Variants in CHRNB3 observed in about 807,000 individuals in gnomAD.
CHRNB3 encodes the protein neuronal acetylcholine receptor subunit beta-3.
Under a neutral mutation model 40.6 loss-of-function variants are expected in CHRNB3, and 37 were observed. The observed-to-expected ratio is 0.91, with a 90% confidence interval of 0.70 to 1.20. CHRNB3 has a LOEUF of 1.20. Ranked by LOEUF, CHRNB3 falls within the 50% of genes most tolerant of loss-of-function variation. The pLI, the probability that CHRNB3 is intolerant of heterozygous loss-of-function variation, is 0.00. For missense variants in CHRNB3, 505 were observed against 551.2 expected (o/e 0.92, Z 0.84); for synonymous variants, 207 against 207.1 (o/e 1.00, Z 0.00).
In CHRNB3 at chr8:42,708,843, T is replaced by G. The variant is rs56357313; in HGVS notation, c.179T>G (p.Leu60Trp). 4.3e-6 allele frequency: 7 copies of G among 1,613,512 alleles called. No individual in the cohort carries two copies. Among genetic ancestry groups the G allele is most frequent in the Non-Finnish European group, 5.9e-6 (7 of 1,179,730 alleles). ...SNDTIKVYFGLKISQLVDVDE... is the reference protein window; with the variant it reads ...SNDTIKVYFGWKISQLVDVDE... ...GACACCATAAAAGTATATTTTGGAT[T>G]GAAAATATCCCAGCTTGTAGATGTG... Residue 60 changes from leucine to tryptophan, a missense_variant, in exon 2 of 6, where the codon TTG becomes TGG. Leu to Trp is a moderately conservative substitution (Grantham distance 61). Transcript: ENST00000289957.
Position 42,703,435 on chromosome 8 carries a change from A to AAAATATATATATATATATATAT in CHRNB3, c.53-5281_53-5280insAATATATATATATATATATATA. On this transcript the variant is annotated intron_variant, in intron 1 of 5. Coordinates refer to ENST00000289957, the MANE Select transcript of CHRNB3 (RefSeq NM_000749.5). ...CAAGACTTCGTCTAAAAAAAAAAAA[A>AAAATATATATATATATATATAT]ATATTTATATATATATATATATATA... 1.7e-4 allele frequency among the ~76,000 whole-genome samples: 8 copies of AAAATATATATATATATATATAT among 47,412 alleles called. 1 individual carries two copies. Among genetic ancestry groups the AAAATATATATATATATATATAT allele is most frequent in the Admixed American group, 2.3e-4 (1 of 4,304 alleles). 31.1% of individuals were successfully genotyped at this position (47,412 alleles called of 152,430 possible). A position where few individuals can be genotyped will look rare whatever the true frequency, so the allele number is the denominator to read the frequency against.
chr8:42,722,543 C>T (rs62518210), intron 3 of CHRNB3, among the ~76,000 whole-genome samples: 8,707 of 151,958 alleles, frequency 0.057, 331 homozygotes, highest in Middle Eastern at 0.11. Context: ...TTGTATAATT[C>T]CCCCGACTTT....
rs558598723 is a variant in CHRNB3, at chr8:42,724,707, G to A, written c.250-5887G>A. On this transcript the variant is annotated intron_variant, in intron 3 of 5. Transcript: ENST00000289957. ...GAAAACGCTGGAATTGGCCGGGCGCGGTGGCTCACGCCTGTAATCCCAGTA... is the reference window on the plus strand; with the variant it reads ...GAAAACGCTGGAATTGGCCGGGCGCAGTGGCTCACGCCTGTAATCCCAGTA... 1.4e-4 allele frequency among the ~76,000 whole-genome samples: 22 copies of A among 151,992 alleles called. No individual in the cohort carries two copies. In the South Asian group the frequency reaches 3.9e-3, roughly 27 times the overall value.
In CHRNB3 at chr8:42,706,241, G is replaced by T. The variant is rs551508913; in HGVS notation, c.53-2476G>T. ...GGCTTGTTCTGGGAATCGCAGACTGGCCCGAGGGCTGGGGAGGAGAATGTG... is the reference window on the plus strand; with the variant it reads ...GGCTTGTTCTGGGAATCGCAGACTGTCCCGAGGGCTGGGGAGGAGAATGTG... On this transcript the variant is annotated intron_variant, in intron 1 of 5. Coordinates refer to ENST00000289957, the MANE Select transcript of CHRNB3 (RefSeq NM_000749.5). 2.0e-5 allele frequency among the ~76,000 whole-genome samples: 3 copies of T among 152,272 alleles called. No individual in the cohort carries two copies. The East Asian group carries it at 5.8e-4, about 29-fold the overall frequency.
intron 1 of CHRNB3, among the ~76,000 whole-genome samples, chr8:42,700,728 G>C (rs1815777085): frequency 6.6e-6 from 1 of 152,138 alleles, no homozygotes; most frequent in Non-Finnish European, 1.5e-5. Context: ...ATTATGGACA[G>C]ATGTTGATGG....
intron 3 of CHRNB3, among the ~76,000 whole-genome samples, chr8:42,711,146 A>G (rs1816008548): frequency 6.6e-6 from 1 of 152,048 alleles, no homozygotes; most frequent in East Asian, 1.9e-4. Context: ...GTTATCTACA[A>G]AGAGAAAATA....
chr8:42,697,812 GT>G (rs201769728), intron 1 of CHRNB3, among the ~76,000 whole-genome samples: 1,806 of 152,122 alleles, frequency 0.012, 37 homozygotes, highest in African/African-American at 0.042. Context: ...TAATGTTTAT[GT>G]TTTTGTCATT....
chr8:42,722,874 T>C (rs765723111), intron 3 of CHRNB3, among the ~76,000 whole-genome samples: 1 of 152,108 alleles, frequency 6.6e-6, no homozygotes, highest in Non-Finnish European at 1.5e-5. Context: ...CAGCTCCCTC[T>C]TGGGGGAGGG....
chr8:42,701,343 C>T (rs1815794472), intron 1 of CHRNB3, among the ~76,000 whole-genome samples: 1 of 151,772 alleles, frequency 6.6e-6, no homozygotes, highest in African/African-American at 2.4e-5. Context: ...GAGCTCAAGA[C>T]CAGCCTGGAC....
At chr8:42,707,421 C>G (rs1356440755) in intron 1 of CHRNB3, among the ~76,000 whole-genome samples, 1 of 152,130 alleles carries the variant, frequency 6.6e-6, no homozygotes, top group African/African-American at 2.4e-5. Context: ...GAATGAGTTG[C>G]TGTAGGATAT....
At chr8:42,710,584 G>A (rs1363553224) in intron 3 of CHRNB3, 150 bp downstream of exon 3, 1 of 661,628 alleles carries the variant, frequency 1.5e-6, no homozygotes, top group African/African-American at 1.8e-5. Context: ...ATTTTCTGTT[G>A]TGAGTGTTGG....
At chr8:42,720,540 G>C (rs114751176) in intron 3 of CHRNB3, among the ~76,000 whole-genome samples, 1,660 of 152,254 alleles carry the variant, frequency 0.011, 38 homozygotes, top group African/African-American at 0.038. Flanking sequence ...GTCAGGAGGT[G>C]TGGGTATTTG....
rs146498172 is a variant in CHRNB3 at position 42,733,358 on chromosome 8, A to C, written c.1242+809A>C. Among the ~76,000 whole-genome samples, 59 of 152,154 alleles carry C rather than the reference A, an allele frequency of 3.9e-4. No homozygotes were observed. The East Asian group carries it at 9.7e-3, about 25-fold the overall frequency. ...AAAGAAGTAGCGTGGGAAGAGTGTG[A>C]ATTTCAGACTGAAAACAGTCCTGGG... On this transcript the variant is annotated intron_variant, in intron 5 of 5. Coordinates refer to ENST00000289957, the MANE Select transcript of CHRNB3 (RefSeq NM_000749.5).
chr8:42,732,543 C>A lies in CHRNB3; in HGVS notation c.1236C>A (p.Ile412=). The part of the protein sequence containing the change: ...ISRHVKKEHF[I]SQVVQDWKFV... ...GACATGTGAAGAAAGAACATTTTATCAGCCAGGTGAGTAAACTGGTATTCC... is the reference window on the plus strand; with the variant it reads ...GACATGTGAAGAAAGAACATTTTATAAGCCAGGTGAGTAAACTGGTATTCC... Residue 412 remains isoleucine (I), a synonymous_variant, in exon 5 of 6, where the codon ATC becomes ATA. Transcript: ENST00000289957. 1 of 1,587,574 alleles carries A rather than the reference C, an allele frequency of 6.3e-7. No individual in the cohort carries two copies. The highest frequency in any genetic ancestry group is 1.2e-5 in the South Asian group (1 of 85,222).
rs1266138074 is a variant in CHRNB3, at chr8:42,730,613, T to TA, written c.270dup (p.Arg91ThrfsTer5). 1 of 1,604,668 alleles carries TA rather than the reference T, an allele frequency of 6.2e-7. No homozygotes were observed. Among genetic ancestry groups the TA allele is most frequent in the Admixed American group, 1.7e-5 (1 of 59,194 alleles). On this transcript the variant is annotated frameshift_variant, in exon 4 of 6. Coordinates refer to ENST00000289957, the MANE Select transcript of CHRNB3 (RefSeq NM_000749.5). LOFTEE classifies it high-confidence loss of function. ...ATGCAGGAATGGACAGACCACAAGT[T>TA]ACGCTGGAATCCTGATGATTATGGT...
intron 2 of CHRNB3, 29 bp downstream of exon 2, chr8:42,708,897 AG>A: frequency 6.3e-7 from 1 of 1,599,682 alleles, no homozygotes; most frequent in East Asian, 2.2e-5. Context: ...TTGGCTAAAA[AG>A]AACATGCATT....
Position 42,736,752 on chromosome 8 carries a change from T to A in CHRNB3, c.*134T>A, listed in dbSNP as rs913323588. The A allele has an allele frequency of 2.1e-5, 22 of 1,059,396 alleles. No individual in the cohort carries two copies. The highest frequency in any genetic ancestry group is 3.1e-5 in the Non-Finnish European group (22 of 716,186). The allele number at this position is 1,059,396 out of a possible 1,614,324, so 65.6% of individuals were successfully genotyped here. A position where few individuals can be genotyped will look rare whatever the true frequency, so the allele number is the denominator to read the frequency against. ...TTTGTGGAAATGGAACATCTCCTCA[T>A]GGGAGAAACTCTGGTAAATGTGCTC... On this transcript the variant is annotated 3_prime_UTR_variant, in exon 6 of 6. Coordinates refer to ENST00000289957, the MANE Select transcript of CHRNB3 (RefSeq NM_000749.5).
rs1361694830 is a variant in CHRNB3, at chr8:42,732,228, G to A, written c.921G>A (p.Val307=). The change falls in exon 5 of 6, where the codon GTG becomes GTA. Residue 307 remains valine, a synonymous_variant. Transcript: ENST00000289957. The part of the protein sequence containing the change: ...GEYLLFIMIF[V]TLSIIVTVFV... Reference sequence around the variant, plus strand: ...ACCTGCTGTTCATCATGATTTTTGTGACCCTGTCCATCATTGTTACCGTGT... The same window carrying A: ...ACCTGCTGTTCATCATGATTTTTGTAACCCTGTCCATCATTGTTACCGTGT... 2.5e-6 allele frequency: 4 copies of A among 1,610,876 alleles called. No homozygotes were observed. The highest frequency in any genetic ancestry group is 1.3e-5 in the African/African-American group (1 of 74,608).
chr8:42,732,404 C>T lies in CHRNB3; in HGVS notation c.1097C>T (p.Pro366Leu). 1 of 1,613,928 alleles carries T rather than the reference C, an allele frequency of 6.2e-7. No individual in the cohort carries two copies. The highest frequency in any genetic ancestry group is 8.5e-7 in the Non-Finnish European group (1 of 1,180,018). ...TCCCCAGAGAAAGAGGAGAGTCAAC[C>T]AGTAGTGAAAGGCAAAGTCCTCGAA... ...YSSPEKEESQPVVKGKVLEKK... is the reference protein window; with the variant it reads ...YSSPEKEESQLVVKGKVLEKK... Residue 366 changes from proline to leucine, a missense_variant, in exon 5 of 6, where the codon CCA becomes CTA. Transcript: ENST00000289957.
Sources: allele counts gnomAD v4.1 joint callset (sites outside exome capture counted in the v4.1 genomes callset), GRCh38; gene constraint gnomAD v4.1.1; transcripts MANE v1.5; gene names NCBI Gene and HGNC (gene_info 2026-07-23, HGNC 2026-07-21).